The following PRIM2 variants were observed in gnomAD, a reference collection of about 807,000 sequenced individuals.
PRIM2 encodes DNA primase large subunit.
PRIM2 carries 39 observed loss-of-function variants against 67.3 expected under a neutral mutation model. The observed-to-expected ratio is 0.58, with a 90% CI of 0.45 to 0.76. PRIM2 has a LOEUF of 0.76. Ranked by LOEUF, PRIM2 falls within the 30% of genes least tolerant of loss-of-function variation. The probability of loss-of-function intolerance (pLI) is 0.00; values close to 1 mark genes in which losing one functional copy is unlikely to be tolerated. For synonymous variants in PRIM2, 143 were observed against 198.7 expected, an observed-to-expected ratio of 0.72 and a Z score of 2.36; for missense variants, 398 against 598.7, an observed-to-expected ratio of 0.66 and a Z score of 3.50.
intron 7 of PRIM2, among the ~76,000 whole-genome samples, chr6:57,397,229 A>C (rs1217325209): frequency 6.6e-6 from 1 of 152,080 alleles, no homozygotes; most frequent in Non-Finnish European, 1.5e-5. Context: ...CATTACCGGG[A>C]AAGTTTTCAT....
chr6:57,507,615 G>T (rs1774277316), intron 8 of PRIM2, among the ~76,000 whole-genome samples, 161 bp downstream of exon 8: 1 of 151,568 alleles, frequency 6.6e-6, no homozygotes, highest in Non-Finnish European at 1.5e-5. Context: ...CCATGTACTT[G>T]TTACCCTTAC....
intron 7 of PRIM2, among the ~76,000 whole-genome samples, chr6:57,458,856 A>G (rs1449199036): frequency 2.0e-5 from 3 of 152,196 alleles, no homozygotes; most frequent in African/African-American, 7.2e-5. Context: ...GGAATTATGT[A>G]TTTGTAGTCT....
intron 7 of PRIM2, among the ~76,000 whole-genome samples, chr6:57,452,646 G>A (rs1233645876): frequency 5.3e-5 from 8 of 152,012 alleles, no homozygotes; most frequent in Non-Finnish European, 1.2e-4. Context: ...TTTTTTTCTT[G>A]TAAATTTGTT....
At chr6:57,595,369 G>A (rs1776347359) in intron 10 of PRIM2, among the ~76,000 whole-genome samples, 1 of 152,138 alleles carries the variant, frequency 6.6e-6, no homozygotes, top group Admixed American at 6.5e-5. Flanking sequence ...AGAGAGTATA[G>A]CGACCAGATG....
At chr6:57,478,825 A>G in intron 7 of PRIM2, among the ~76,000 whole-genome samples, 1 of 152,128 alleles carries the variant, frequency 6.6e-6, no homozygotes, top group Non-Finnish European at 1.5e-5. Context: ...ATGAAAGATA[A>G]TCGATTAAAC....
intron 5 of PRIM2, among the ~76,000 whole-genome samples, chr6:57,339,547 C>T (rs1205061306): frequency 1.7e-4 from 26 of 151,932 alleles, no homozygotes; most frequent in African/African-American, 4.6e-4. Context: ...TCAGAAATAA[C>T]GCTGCATATC....
intron 7 of PRIM2, among the ~76,000 whole-genome samples, chr6:57,455,302 C>A (rs1772725372): frequency 6.6e-6 from 1 of 152,150 alleles, no homozygotes; most frequent in African/African-American, 2.4e-5. Context: ...TCTATTAGGT[C>A]CACTTGGTGC....
At chr6:57,270,182 C>G in the PRIM2 span, among the ~76,000 whole-genome samples, 1 of 151,368 alleles carries the variant, frequency 6.6e-6, no homozygotes, top group African/African-American at 2.4e-5. Context: ...TCATTGGTAG[C>G]TTGATGGGGA....
the PRIM2 span, among the ~76,000 whole-genome samples, chr6:57,246,819 C>A: frequency 6.6e-6 from 1 of 151,946 alleles, no homozygotes; most frequent in South Asian, 2.1e-4. Flanking sequence ...TACTCATGTG[C>A]TCCTTCCTGT....
At chr6:57,476,125 C>T (rs1773472509) in intron 7 of PRIM2, among the ~76,000 whole-genome samples, 1 of 152,084 alleles carries the variant, frequency 6.6e-6, no homozygotes, top group Non-Finnish European at 1.5e-5. Flanking sequence ...ATTCCCATCT[C>T]CCTACCCCCT....
chr6:57,248,300 A>C, the PRIM2 span, among the ~76,000 whole-genome samples: 1 of 152,172 alleles, frequency 6.6e-6, no homozygotes, highest in Non-Finnish European at 1.5e-5. Context: ...GAAAGCAATA[A>C]ATCACACCTA....
At chr6:57,337,960 G>A (rs1035871434) in intron 5 of PRIM2, among the ~76,000 whole-genome samples, 2 of 150,380 alleles carry the variant, frequency 1.3e-5, no homozygotes, top group Non-Finnish European at 2.9e-5. Flanking sequence ...TAGACCGCTA[G>A]CAAGACTAAT....
chr6:57,444,204 T>C (rs1464249773), intron 7 of PRIM2, among the ~76,000 whole-genome samples: 2 of 152,142 alleles, frequency 1.3e-5, no homozygotes, highest in African/African-American at 4.8e-5. Flanking sequence ...GACATAATCC[T>C]GTGTAGTCTT....
At chr6:57,412,751 T>G (rs1771132509) in intron 7 of PRIM2, among the ~76,000 whole-genome samples, 1 of 151,980 alleles carries the variant, frequency 6.6e-6, no homozygotes, top group Admixed American at 6.6e-5. Flanking sequence ...GCAACAGAAA[T>G]ATTAAGAGGA....
At chr6:57,318,691 A>ATTCTCACAAAGGGTAAGT in intron 2 of PRIM2, 92 bp downstream of exon 2, 1 of 1,025,142 alleles carries the variant, frequency 9.8e-7, no homozygotes, top group Non-Finnish European at 1.4e-6. Context: ...TCCTTCATTC[A>ATTCTCACAAAGGGTAAGT]GCAATCCATT....
intron 3 of PRIM2, among the ~76,000 whole-genome samples, chr6:57,321,520 A>G (rs534101856): frequency 1.3e-4 from 20 of 152,246 alleles, no homozygotes; most frequent in African/African-American, 4.8e-4. Flanking sequence ...CATGAGGAAT[A>G]CCAATATTGA....
the PRIM2 span, among the ~76,000 whole-genome samples, chr6:57,253,191 G>A: frequency 8.9e-6 from 1 of 112,206 alleles, no homozygotes; most frequent in Non-Finnish European, 1.9e-5. Flanking sequence ...CAACATGCAA[G>A]TTAAAAAAAA....
intron 5 of PRIM2, among the ~76,000 whole-genome samples, chr6:57,333,803 A>C (rs1309730936): frequency 6.6e-6 from 1 of 152,166 alleles, no homozygotes; most frequent in South Asian, 2.1e-4. Flanking sequence ...AATTGAATAT[A>C]AAATTGTATG....
the PRIM2 span, among the ~76,000 whole-genome samples, chr6:57,263,490 G>A: frequency 6.6e-6 from 1 of 152,112 alleles, no homozygotes; most frequent in African/African-American, 2.4e-5. Context: ...TCTTCTCCCT[G>A]TGTGTCTTTG....
Sources: allele counts gnomAD v4.1 joint callset (sites outside exome capture counted in the v4.1 genomes callset), GRCh38; gene constraint gnomAD v4.1.1; transcripts MANE v1.5; gene names NCBI Gene and HGNC (gene_info 2026-07-23, HGNC 2026-07-21).